Variants in SLC60A2 observed in about 807,000 individuals in gnomAD.
SLC60A2 encodes the protein major facilitator superfamily domain containing 4B.
At chr6:111,268,661 C>G in the SLC60A2 span, 1 of 152,324 alleles carries the variant, frequency 6.6e-6, no homozygotes, top group African/African-American at 2.4e-5. Flanking sequence ...GGGTCTGAGC[C>G]TTGCTCGAGA....
chr6:111,266,227 G>A, the SLC60A2 span: 5 of 1,613,820 alleles, frequency 3.1e-6, no homozygotes, highest in Non-Finnish European at 3.4e-6. Context: ...GAGACATTTC[G>A]AAGAGCAAAA....
At chr6:111,263,982 G>A in the SLC60A2 span, 2 of 1,088,250 alleles carry the variant, frequency 1.8e-6, no homozygotes, top group Non-Finnish European at 2.8e-6. Context: ...CTGGGAGTAG[G>A]GACTTGCTAG....
At chr6:111,266,793 C>A in the SLC60A2 span, 8 of 1,614,006 alleles carry the variant, frequency 5.0e-6, no homozygotes, top group East Asian at 1.8e-4. Context: ...AGCCACTTCA[C>A]CTCTTGATCG....
At chr6:111,271,864 A>AG in the SLC60A2 span, among the ~76,000 whole-genome samples, 3 of 135,754 alleles carry the variant, frequency 2.2e-5, no homozygotes, top group South Asian at 7.5e-4. Flanking sequence ...ACTTCTGGGG[A>AG]GGCTGAGGCA....
chr6:111,266,409 G>A, the SLC60A2 span: 3 of 1,614,146 alleles, frequency 1.9e-6, no homozygotes, highest in Non-Finnish European at 2.5e-6. Context: ...AGCCTGCAGG[G>A]GCCTGGCAAT....
chr6:111,260,187 C>T, the SLC60A2 span, among the ~76,000 whole-genome samples: 59 of 152,140 alleles, frequency 3.9e-4, no homozygotes, highest in Non-Finnish European at 5.1e-4. Flanking sequence ...TTGGGATTAC[C>T]GGCGTGAGCC....
At chr6:111,269,957 A>G in the SLC60A2 span, 1 of 145,720 alleles carries the variant, frequency 6.9e-6, no homozygotes, top group Non-Finnish European at 1.5e-5. Flanking sequence ...TGAACACCTT[A>G]AAACAATAGA....
the SLC60A2 span, chr6:111,269,126 G>A: frequency 6.6e-6 from 1 of 152,134 alleles, no homozygotes; most frequent in Non-Finnish European, 1.5e-5. Context: ...CTTGGTTCAT[G>A]TAATAACCTA....
the SLC60A2 span, chr6:111,269,102 A>G: frequency 6.6e-6 from 1 of 152,210 alleles, no homozygotes; most frequent in Admixed American, 6.5e-5. Context: ...TTCACCTTAT[A>G]TGCCTGCCAC....
chr6:111,265,852 A>T, the SLC60A2 span: 208,012 of 1,549,752 alleles, frequency 0.13, 16,241 homozygotes, highest in East Asian at 0.38. Context: ...AACTTAAATA[A>T]TTTTTCCCAT....
the SLC60A2 span, chr6:111,266,206 G>C: frequency 1.9e-6 from 3 of 1,612,988 alleles, no homozygotes; most frequent in East Asian, 6.7e-5. Flanking sequence ...GAAAAAGCAA[G>C]AGCATCTGCT....
At chr6:111,266,100 A>T in the SLC60A2 span, 1 of 1,614,142 alleles carries the variant, frequency 6.2e-7, no homozygotes, top group East Asian at 2.2e-5. Flanking sequence ...ACCTAATGAT[A>T]AGAATTTACT....
chr6:111,265,351 C>T, the SLC60A2 span: 64 of 985,068 alleles, frequency 6.5e-5, no homozygotes, highest in Middle Eastern at 5.2e-4. Context: ...AGATGCTAAA[C>T]GGTGTCCTTG....
the SLC60A2 span, among the ~76,000 whole-genome samples, chr6:111,277,295 C>T: frequency 4.6e-5 from 7 of 152,204 alleles, no homozygotes; most frequent in Non-Finnish European, 1.0e-4. Context: ...CACCAAATTG[C>T]AGACTTTTTT....
chr6:111,262,543 G>A, the SLC60A2 span: 1 of 915,956 alleles, frequency 1.1e-6, no homozygotes, highest in Admixed American at 2.1e-5. Context: ...GTAGTGTTTA[G>A]GTGTCCTCAA....
At chr6:111,270,665 C>T in the SLC60A2 span, 1 of 152,276 alleles carries the variant, frequency 6.6e-6, no homozygotes, top group African/African-American at 2.4e-5. Flanking sequence ...CACGGTGAAA[C>T]CCCATCTCTA....
At chr6:111,265,171 A>T in the SLC60A2 span, 2 of 537,776 alleles carry the variant, frequency 3.7e-6, no homozygotes, top group Non-Finnish European at 4.7e-6. Context: ...CTTTGCTGTT[A>T]CGTGATCTGT....
At chr6:111,262,502 T>G in the SLC60A2 span, 1 of 1,386,544 alleles carries the variant, frequency 7.2e-7, no homozygotes, top group South Asian at 1.2e-5. Context: ...ATGAAAATAC[T>G]AGCATGCAGA....
At chr6:111,274,586 TC>T in the SLC60A2 span, among the ~76,000 whole-genome samples, 1 of 90,742 alleles carries the variant, frequency 1.1e-5, no homozygotes, top group South Asian at 4.1e-4. Flanking sequence ...GCTTTGTATA[TC>T]CTTTGTTTTT....
Sources: allele counts gnomAD v4.1 joint callset (sites outside exome capture counted in the v4.1 genomes callset), GRCh38; gene constraint gnomAD v4.1.1; transcripts MANE v1.5; gene names NCBI Gene and HGNC (gene_info 2026-07-23, HGNC 2026-07-21).